LRRK1: variants seen among roughly 807,000 people sequenced by gnomAD.
The protein encoded by LRRK1 is leucine-rich repeat serine/threonine-protein kinase 1.
In LRRK1, 113 loss-of-function variants were observed where a neutral mutation model predicts 209.1. The observed-to-expected ratio is 0.54, with a 90% CI of 0.46 to 0.63. The LOEUF (loss-of-function observed/expected upper bound fraction) is 0.63. Ranked by LOEUF, LRRK1 falls within the 30% of genes least tolerant of loss-of-function variation. The pLI is 0.00. For missense variants in LRRK1, 2,284 were observed against 2,632.2 expected, an observed-to-expected ratio of 0.87 and a Z score of 2.89; for synonymous variants, 1,144 against 1,099.7, an observed-to-expected ratio of 1.04 and a Z score of -0.80.
chr15:100,978,850 T>A (rs2031444755), intron 3 of LRRK1, among the ~76,000 whole-genome samples: 1 of 143,222 alleles, frequency 7.0e-6, no homozygotes, highest in Non-Finnish European at 1.5e-5. Flanking sequence ...TGCTACATAG[T>A]CCCTTCTAGA....
intron 2 of LRRK1, among the ~76,000 whole-genome samples, chr15:100,941,440 GTGTGTC>G (rs2042427346): frequency 7.2e-6 from 1 of 138,840 alleles, no homozygotes; most frequent in African/African-American, 3.0e-5. Context: ...GTGTGTGTGT[GTGTGTC>G]TGTGTGTGTC....
Position 101,075,919 on chromosome 15 carries a change from G to GC in LRRK1, c.*7076dup. Reference sequence around the variant, plus strand: ...GTACTGCCCCAAAGCTTCACAGACAGCCCCCATTACATCAGTCAAGCCCAA... The same window carrying GC: ...GTACTGCCCCAAAGCTTCACAGACAGCCCCCCATTACATCAGTCAAGCCCAA... On this transcript the variant is annotated 3_prime_UTR_variant, in exon 34 of 34. Coordinates refer to ENST00000388948, the MANE Select transcript of LRRK1 (RefSeq NM_024652.6). 1 of 152,358 alleles carries GC rather than the reference G, an allele frequency of 6.6e-6. No homozygotes were observed. Among genetic ancestry groups the GC allele is most frequent in the South Asian group, 2.1e-4 (1 of 4,828 alleles). 9.4% of individuals were successfully genotyped at this position (152,358 alleles called of 1,614,324 possible).
chr15:101,001,063 G>A (rs1305125398), intron 6 of LRRK1, among the ~76,000 whole-genome samples: 1 of 152,164 alleles, frequency 6.6e-6, no homozygotes, highest in African/African-American at 2.4e-5. Context: ...AGAAGTAGGT[G>A]TTTAGAAAAC....
At position 101,008,909 on chromosome 15, in the gene LRRK1, C is replaced by G; in HGVS notation, c.835C>G (p.Gln279Glu). 1 of 1,614,206 alleles carries G rather than the reference C, an allele frequency of 6.2e-7. No individual in the cohort carries two copies. Residue 279 changes from glutamine (Q) to glutamate (E), a missense_variant, in exon 7 of 34, where the codon CAG becomes GAG. Coordinates refer to ENST00000388948, the MANE Select transcript of LRRK1 (RefSeq NM_024652.6). ...DLDWLIDISC[Q>E]ITELDLSANC... ...AGACTGGCTCATAGACATCTCCTGC[C>G]AGATCACGGAGCTCGACCTTTCTGC...
chr15:100,960,742 A>G (rs1193454022), intron 2 of LRRK1, among the ~76,000 whole-genome samples: 1 of 152,222 alleles, frequency 6.6e-6, no homozygotes, highest in Non-Finnish European at 1.5e-5. Context: ...GAGGTACTAA[A>G]TATTTGTAGA....
At chr15:100,976,340 T>A (rs1035052653) in intron 3 of LRRK1, among the ~76,000 whole-genome samples, 4 of 152,144 alleles carry the variant, frequency 2.6e-5, no homozygotes, top group African/African-American at 9.7e-5. Context: ...GAACAGTACC[T>A]GGAATGAAAA....
At chr15:100,939,227 A>G (rs1241565457) in intron 2 of LRRK1, among the ~76,000 whole-genome samples, 1 of 152,234 alleles carries the variant, frequency 6.6e-6, no homozygotes, top group Non-Finnish European at 1.5e-5. Context: ...GACATGGGAC[A>G]GTACAGTTCC....
At chr15:100,973,770 G>A in intron 2 of LRRK1, 34 bp from the exon 3 acceptor site, 1 of 1,262,248 alleles carries the variant, frequency 7.9e-7, no homozygotes, top group East Asian at 3.1e-5. Flanking sequence ...GCAGTGGGCG[G>A]TGACGCCGTG....
rs747797288 is a variant in LRRK1, at chr15:101,069,164, A to G, written c.*316A>G. 36 of 231,654 alleles carry G rather than the reference A, an allele frequency of 1.6e-4. No homozygotes were observed. Among genetic ancestry groups the G allele is most frequent in the Non-Finnish European group, 2.2e-4 (26 of 118,462 alleles). The allele number at this position is 231,654 out of a possible 1,614,324, so 14.3% of individuals were successfully genotyped here. A position where few individuals can be genotyped will look rare whatever the true frequency, so the allele number is the denominator to read the frequency against. On this transcript the variant is annotated 3_prime_UTR_variant, in exon 34 of 34. Coordinates refer to ENST00000388948, the MANE Select transcript of LRRK1 (RefSeq NM_024652.6). ...CAGTTTGCAGGAGCAGGGGTGCAGG[A>G]TCCTGTTCTGAGCTGGGTCAAACAA...
At chr15:100,927,883 C>T (rs925898716) in intron 2 of LRRK1, among the ~76,000 whole-genome samples, 1 of 152,218 alleles carries the variant, frequency 6.6e-6, no homozygotes, top group African/African-American at 2.4e-5. Flanking sequence ...GGGACTAAAG[C>T]CTACAGTGCT....
intron 20 of LRRK1, among the ~76,000 whole-genome samples, chr15:101,039,627 A>C (rs2034650487): frequency 6.6e-6 from 1 of 152,182 alleles, no homozygotes; most frequent in Admixed American, 6.5e-5. Context: ...AGGTTTAAAT[A>C]GAAGGGATGA....
intron 3 of LRRK1, among the ~76,000 whole-genome samples, chr15:100,978,592 A>T (rs2031429553): frequency 6.6e-6 from 1 of 152,250 alleles, no homozygotes; most frequent in South Asian, 2.1e-4. Context: ...GATCCTGCAG[A>T]TATCAAAAAG....
At chr15:101,047,339 C>CTGAT (rs1279424621) in intron 21 of LRRK1, among the ~76,000 whole-genome samples, 3 of 152,198 alleles carry the variant, frequency 2.0e-5, no homozygotes, top group African/African-American at 7.2e-5. Flanking sequence ...GAAGGGTGCA[C>CTGAT]TGATTGAAGG....
At chr15:100,973,604 G>A (rs894291581) in intron 2 of LRRK1, among the ~76,000 whole-genome samples, 200 bp from the exon 3 acceptor site, 6 of 152,298 alleles carry the variant, frequency 3.9e-5, no homozygotes, top group Admixed American at 3.3e-4. Context: ...GCCGCCCGGT[G>A]CCTTCGCAGC....
rs950229313 is a variant in LRRK1 at position 101,076,584 on chromosome 15, T to G, written c.*7736T>G. On this transcript the variant is annotated 3_prime_UTR_variant, in exon 34 of 34. Transcript: ENST00000388948. ...CCAGCAAAGGCAGGCTGTGCTATAG[T>G]ACAAGCCGCTAGCCCGCCTCTTAGA... 3 of 152,510 alleles carry G rather than the reference T, an allele frequency of 2.0e-5. No individual in the cohort carries two copies. The highest frequency in any genetic ancestry group is 2.9e-5 in the Non-Finnish European group (2 of 68,314). 9.4% of individuals were successfully genotyped at this position (152,510 alleles called of 1,614,324 possible).
intron 33 of LRRK1, among the ~76,000 whole-genome samples, chr15:101,067,036 A>G (rs967072320): frequency 1.3e-5 from 2 of 152,204 alleles, no homozygotes; most frequent in East Asian, 3.8e-4. Flanking sequence ...GCTGCAATCG[A>G]CATGCAGATG....
chr15:101,023,882 A>T (rs983047005), intron 15 of LRRK1, among the ~76,000 whole-genome samples: 1 of 152,174 alleles, frequency 6.6e-6, no homozygotes, highest in Non-Finnish European at 1.5e-5. Flanking sequence ...AATCTAGCTG[A>T]CTCGAGTCTG....
intron 4 of LRRK1, chr15:100,983,943 TA>T (rs1392446386): frequency 5.0e-6 from 3 of 599,112 alleles, no homozygotes; most frequent in South Asian, 1.6e-5. Flanking sequence ...CATTGCTTTT[TA>T]AAAAAATAAT....
At chr15:101,059,346 G>A (rs2036016632) in intron 29 of LRRK1, among the ~76,000 whole-genome samples, 1 of 152,184 alleles carries the variant, frequency 6.6e-6, no homozygotes, top group Non-Finnish European at 1.5e-5. Flanking sequence ...TGCAGTGGGT[G>A]GTGATTGTGC....
Sources: gnomAD v4.1 joint callset for allele counts (sites outside exome capture counted in the v4.1 genomes callset) on GRCh38, gnomAD v4.1.1 for gene constraint, MANE v1.5 for transcripts, NCBI Gene and HGNC (gene_info 2026-07-23, HGNC 2026-07-21) for gene names.